The following SERPINB7 variants were observed in gnomAD, a reference collection of about 807,000 sequenced individuals.
SERPINB7 encodes the protein serpin B7.
SERPINB7 carries 31 observed loss-of-function variants against 37.4 expected under a neutral mutation model. The observed-to-expected ratio is 0.83, with a 90% CI of 0.62 to 1.12. The LOEUF is 1.12. Ranked by LOEUF, SERPINB7 falls within the 50% of genes most tolerant of loss-of-function variation. The probability of loss-of-function intolerance (pLI) is 0.00; values close to 1 mark genes in which losing one functional copy is unlikely to be tolerated. For synonymous variants in SERPINB7, 163 were observed against 166.1 expected, an observed-to-expected ratio of 0.98 and a Z score of 0.14; for missense variants, 521 against 455.3, an observed-to-expected ratio of 1.14 and a Z score of -1.31.
chr18:63,802,309 T>G (rs1184690647), intron 7 of SERPINB7, among the ~76,000 whole-genome samples: 3 of 152,200 alleles, frequency 2.0e-5, no homozygotes, highest in African/African-American at 7.2e-5. Flanking sequence ...GAGCCTGATC[T>G]TTTTTCAGCC....
intron 4 of SERPINB7, among the ~76,000 whole-genome samples, chr18:63,794,147 A>C (rs1421428521): frequency 8.7e-6 from 1 of 114,824 alleles, no homozygotes; most frequent in East Asian, 2.6e-4. Flanking sequence ...TTTTTAGTAG[A>C]GACGGGGATT....
chr18:63,771,997 C>T (rs1361858009), upstream of SERPINB7, among the ~76,000 whole-genome samples: 1 of 150,924 alleles, frequency 6.6e-6, no homozygotes, highest in Non-Finnish European at 1.5e-5. Context: ...TTCAGGAATA[C>T]ATGTGCAGGT....
chr18:63,768,738 C>T (rs193108659), intron 1 of SERPINB7, among the ~76,000 whole-genome samples: 26 of 152,212 alleles, frequency 1.7e-4, no homozygotes, highest in South Asian at 2.1e-4. Flanking sequence ...CAGGAAACCA[C>T]TGCCACCATC....
intron 1 of SERPINB7, among the ~76,000 whole-genome samples, chr18:63,756,580 T>G (rs1050835214): frequency 1.3e-5 from 2 of 152,080 alleles, no homozygotes; most frequent in Non-Finnish European, 2.9e-5. Context: ...TGGGCCCAGG[T>G]CTCCACTCCA....
chr18:63,771,865 T>C (rs2049213199), upstream of SERPINB7, among the ~76,000 whole-genome samples: 1 of 151,628 alleles, frequency 6.6e-6, no homozygotes, highest in African/African-American at 2.4e-5. Flanking sequence ...TAAAAGGATG[T>C]AGTGGGAGAC....
At chr18:63,758,883 C>A (rs1242995687) in intron 1 of SERPINB7, among the ~76,000 whole-genome samples, 1 of 152,202 alleles carries the variant, frequency 6.6e-6, no homozygotes, top group African/African-American at 2.4e-5. Flanking sequence ...AAGAACTGTG[C>A]TGAGTGGTGG....
intron 2 of SERPINB7, among the ~76,000 whole-genome samples, chr18:63,787,181 T>G (rs2049381925): frequency 6.6e-6 from 1 of 152,178 alleles, no homozygotes; most frequent in South Asian, 2.1e-4. Flanking sequence ...ACTTGCGTCA[T>G]GTTGATGCTC....
chr18:63,781,438 G>C (rs2049299933), intron 1 of SERPINB7, among the ~76,000 whole-genome samples: 1 of 152,202 alleles, frequency 6.6e-6, no homozygotes, highest in Non-Finnish European at 1.5e-5. Flanking sequence ...TGCAACACCT[G>C]GCACCTGCCA....
At chr18:63,794,660 G>A (rs1336747297) in intron 4 of SERPINB7, among the ~76,000 whole-genome samples, 1 of 152,002 alleles carries the variant, frequency 6.6e-6, no homozygotes, top group Admixed American at 6.6e-5. Context: ...ACTGCACTCC[G>A]GCCTGGGCGA....
At position 63,804,263 on chromosome 18, in the gene SERPINB7, T is replaced by A; in HGVS notation, c.771T>A (p.Asn257Lys). Residue 257 changes from asparagine to lysine, a missense_variant, in exon 8 of 8, where the codon AAT (asparagine) becomes AAA (lysine). Transcript: ENST00000398019. ...TTGAAAACAAACTGACCTTTCAGAA[T>A]CTAATGGAATGGACCAATCCAAGGC... The part of the protein sequence containing the change: ...SEIENKLTFQ[N>K]LMEWTNPRRM... 6.4e-7 allele frequency: 1 copy of A among 1,570,652 alleles called. No individual in the cohort carries two copies. Among genetic ancestry groups the A allele is most frequent in the South Asian group, 1.2e-5 (1 of 83,152 alleles).
chr18:63,759,382 A>G (rs1214259177), intron 1 of SERPINB7, among the ~76,000 whole-genome samples: 1 of 152,208 alleles, frequency 6.6e-6, no homozygotes, highest in Non-Finnish European at 1.5e-5. Context: ...CCTTCACAGA[A>G]GAACATGACA....
At chr18:63,804,117 T>A in intron 7 of SERPINB7, 120 bp from the exon 8 acceptor site, 1 of 704,998 alleles carries the variant, frequency 1.4e-6, no homozygotes, top group East Asian at 2.7e-5. Context: ...GACACATTCA[T>A]GTACTTGAAC....
intron 1 of SERPINB7, among the ~76,000 whole-genome samples, chr18:63,767,584 AGCCTT>A (rs1308126681): frequency 6.6e-6 from 1 of 152,138 alleles, no homozygotes; most frequent in African/African-American, 2.4e-5. Context: ...ATATTGAACC[AGCCTT>A]GCATTACTAA....
At position 63,778,783 on chromosome 18, in the gene SERPINB7, T is replaced by A. The variant is rs1415078532; in HGVS notation, c.-19+3067T>A. ...GGATAAAAAAGTTCTCAGATTGAAA[T>A]AGACCATAAGGAATCAAATAGGCTT... On this transcript the variant is annotated intron_variant, in intron 1 of 7. Transcript: ENST00000398019. Among the ~76,000 whole-genome samples, 3 of 152,140 alleles carry A rather than the reference T, an allele frequency of 2.0e-5. 1 individual carries two copies. In the East Asian group the frequency reaches 5.8e-4, roughly 29 times the overall value.
intron 4 of SERPINB7, among the ~76,000 whole-genome samples, chr18:63,793,983 GC>G (rs781568426): frequency 2.0e-5 from 3 of 151,698 alleles, no homozygotes; most frequent in Non-Finnish European, 4.4e-5. Context: ...TAGCTCTGTT[GC>G]CCGGGATGGA....
chr18:63,794,840 G>A (rs1381018860), intron 4 of SERPINB7, among the ~76,000 whole-genome samples: 1 of 152,198 alleles, frequency 6.6e-6, no homozygotes, highest in Non-Finnish European at 1.5e-5. Flanking sequence ...GCTTGCATTA[G>A]AGAGCTAGTC....
intron 1 of SERPINB7, among the ~76,000 whole-genome samples, chr18:63,767,865 G>T (rs183600190): frequency 7.9e-5 from 12 of 152,178 alleles, no homozygotes; most frequent in Admixed American, 2.0e-4. Flanking sequence ...CTATTCAGGT[G>T]ATTTGTTTAA....
upstream of SERPINB7, among the ~76,000 whole-genome samples, chr18:63,772,875 T>C (rs2049219238): frequency 6.6e-6 from 1 of 152,154 alleles, no homozygotes; most frequent in African/African-American, 2.4e-5. Context: ...AGAGAGATGA[T>C]AGGAAGTTCC....
intron 1 of SERPINB7, among the ~76,000 whole-genome samples, chr18:63,754,137 T>C (rs1313556736): frequency 2.0e-5 from 3 of 152,216 alleles, no homozygotes; most frequent in Non-Finnish European, 4.4e-5. Context: ...CATAGTAGTT[T>C]ACTTATGTTA....
Sources: allele counts gnomAD v4.1 joint callset (sites outside exome capture counted in the v4.1 genomes callset), GRCh38; gene constraint gnomAD v4.1.1; transcripts MANE v1.5; gene names NCBI Gene and HGNC (gene_info 2026-07-23, HGNC 2026-07-21).